Variants in TBC1D5 observed in about 807,000 individuals in gnomAD.
The protein encoded by TBC1D5 is TBC1 domain family member 5.
A neutral mutation model predicts 100.3 loss-of-function variants in TBC1D5; 75 were observed. That is an observed-to-expected ratio of 0.75 (90% CI 0.62 to 0.91). The LOEUF is 0.91. TBC1D5 is among the 40% of genes least tolerant of loss of function. The probability of loss-of-function intolerance (pLI) is 0.00; values close to 1 mark genes in which losing one functional copy is unlikely to be tolerated. For missense variants in TBC1D5, 910 were observed against 942.4 expected, an observed-to-expected ratio of 0.97 and a Z score of 0.45; for synonymous variants, 323 against 325.6, an observed-to-expected ratio of 0.99 and a Z score of 0.09.
intron 18 of TBC1D5, among the ~76,000 whole-genome samples, chr3:17,203,161 G>A (rs2071692259): frequency 6.6e-6 from 1 of 152,234 alleles, no homozygotes; most frequent in African/African-American, 2.4e-5. Flanking sequence ...CCTTGCATGA[G>A]TGTTGTCTGG....
At chr3:17,706,258 T>C in intron 1 of TBC1D5, 1 of 1,548,512 alleles carries the variant, frequency 6.5e-7, no homozygotes, top group Non-Finnish European at 8.7e-7. Context: ...TTGTACTTCT[T>C]CACATACTCA....
chr3:17,636,661 C>T (rs1377259826), intron 1 of TBC1D5, among the ~76,000 whole-genome samples: 1 of 151,558 alleles, frequency 6.6e-6, no homozygotes, highest in Non-Finnish European at 1.5e-5. Flanking sequence ...ATTAGCCAGG[C>T]GTGGTGGCAG....
intron 13 of TBC1D5, among the ~76,000 whole-genome samples, chr3:17,321,974 G>C (rs554834209): frequency 6.6e-6 from 1 of 152,294 alleles, no homozygotes; most frequent in South Asian, 2.1e-4. Flanking sequence ...CAGTGAGTCT[G>C]CCTGATTTAC....
At chr3:17,508,477 C>T in exon 3 of TBC1D5, 4 of 1,612,700 alleles carry the variant, frequency 2.5e-6, no homozygotes, top group Non-Finnish European at 3.4e-6. Context: ...AACTCACCTC[C>T]AGACTTGTTA....
intron 19 of TBC1D5, among the ~76,000 whole-genome samples, chr3:17,176,509 A>G (rs2067748162): frequency 6.6e-6 from 1 of 152,230 alleles, no homozygotes; most frequent in Non-Finnish European, 1.5e-5. Flanking sequence ...TTATTTAGAT[A>G]TTAAGTTGGA....
intron 13 of TBC1D5, among the ~76,000 whole-genome samples, chr3:17,341,653 T>A (rs1037558406): frequency 1.2e-4 from 18 of 152,306 alleles, no homozygotes; most frequent in African/African-American, 4.1e-4. Flanking sequence ...CCGTTCTATA[T>A]TACCTTCTAA....
intron 14 of TBC1D5, among the ~76,000 whole-genome samples, chr3:17,297,728 GT>G (rs1310079822): frequency 1.3e-5 from 2 of 151,504 alleles, no homozygotes; most frequent in African/African-American, 4.9e-5. Context: ...GACTATAGGC[GT>G]GTGCCATCAT....
chr3:17,715,820 A>G (rs2075180608), intron 1 of TBC1D5, among the ~76,000 whole-genome samples: 1 of 151,604 alleles, frequency 6.6e-6, no homozygotes, highest in African/African-American at 2.4e-5. Flanking sequence ...AAGGGGGGGG[A>G]GGCCGAGGTG....
At chr3:17,695,638 CAAT>C (rs1419015801) in intron 1 of TBC1D5, among the ~76,000 whole-genome samples, 2 of 152,132 alleles carry the variant, frequency 1.3e-5, no homozygotes, top group Non-Finnish European at 2.9e-5. Context: ...GACTCCCACA[CAAT>C]AATAATGGGA....
chr3:17,741,658 C>T (rs1050220165), upstream of TBC1D5, among the ~76,000 whole-genome samples: 1 of 152,122 alleles, frequency 6.6e-6, no homozygotes, highest in African/African-American at 2.4e-5. Context: ...ACTTTAAACA[C>T]AGATTATAAT....
At chr3:17,212,808 G>C (rs779166983) in intron 18 of TBC1D5, among the ~76,000 whole-genome samples, 45 of 152,052 alleles carry the variant, frequency 3.0e-4, no homozygotes, top group Non-Finnish European at 5.4e-4. Context: ...TCTATCAAAT[G>C]CGTTTGTTTT....
At chr3:17,680,020 G>C (rs959587144) in intron 1 of TBC1D5, among the ~76,000 whole-genome samples, 1 of 151,336 alleles carries the variant, frequency 6.6e-6, no homozygotes, top group Non-Finnish European at 1.5e-5. Flanking sequence ...AAAACTCTTA[G>C]TCTAAAAGTC....
intron 18 of TBC1D5, among the ~76,000 whole-genome samples, chr3:17,198,339 T>G (rs1029770960): frequency 1.3e-5 from 2 of 152,154 alleles, no homozygotes; most frequent in African/African-American, 2.4e-5. Context: ...CTAGGAATTT[T>G]GGCCAATAAG....
chr3:17,694,588 G>T (rs1408826300), intron 1 of TBC1D5, among the ~76,000 whole-genome samples: 10 of 152,212 alleles, frequency 6.6e-5, no homozygotes, highest in Non-Finnish European at 1.2e-4. Flanking sequence ...CAAGAAATAT[G>T]TGACTGTGTG....
intron 21 of TBC1D5, 119 bp downstream of exon 22, chr3:17,166,648 T>C (rs373837554): frequency 4.7e-5 from 66 of 1,403,656 alleles, no homozygotes; most frequent in Non-Finnish European, 6.3e-5. Flanking sequence ...ACCTCCGCAG[T>C]TGAACTTCAT....
At chr3:17,572,171 T>C (rs991108505) in intron 2 of TBC1D5, among the ~76,000 whole-genome samples, 3 of 151,866 alleles carry the variant, frequency 2.0e-5, no homozygotes, top group African/African-American at 7.3e-5. Context: ...TCCTGCTCTC[T>C]CTCTCTCTCA....
chr3:17,622,164 T>C (rs150364791), intron 2 of TBC1D5, among the ~76,000 whole-genome samples: 3 of 152,310 alleles, frequency 2.0e-5, no homozygotes, highest in South Asian at 4.1e-4. Context: ...CATCAGATTC[T>C]CATAAGGAAT....
intron 2 of TBC1D5, among the ~76,000 whole-genome samples, chr3:17,581,704 T>A (rs2096698453): frequency 6.6e-6 from 1 of 152,160 alleles, no homozygotes; most frequent in African/African-American, 2.4e-5. Context: ...CTCGCTCCCT[T>A]AAAATCTATT....
chr3:17,348,778 C>T (rs1257081841), intron 13 of TBC1D5, among the ~76,000 whole-genome samples: 2 of 152,122 alleles, frequency 1.3e-5, no homozygotes, highest in East Asian at 1.9e-4. Context: ...ACCTGGATGG[C>T]ACCAGAAGAA....
Sources: allele counts gnomAD v4.1 joint callset (sites outside exome capture counted in the v4.1 genomes callset), GRCh38; gene constraint gnomAD v4.1.1; transcripts MANE v1.5; gene names NCBI Gene and HGNC (gene_info 2026-07-23, HGNC 2026-07-21).